ATP2C2: variants seen among roughly 807,000 people sequenced by gnomAD.
The protein encoded by ATP2C2 is calcium-transporting ATPase type 2C member 2.
A neutral mutation model predicts 110.8 loss-of-function variants in ATP2C2; 171 were observed. That is an observed-to-expected ratio of 1.54 (90% confidence interval 1.36 to 1.75). The LOEUF is 1.75. Among genes scored for constraint, ATP2C2 ranks in the 40% most tolerant of loss-of-function variants. The probability of loss-of-function intolerance (pLI) is 0.00; values close to 1 mark genes in which losing one functional copy is unlikely to be tolerated. For missense variants in ATP2C2, 1,963 were observed against 1,235.0 expected, an observed-to-expected ratio of 1.59 and a Z score of -8.84; for synonymous variants, 804 against 508.4, an observed-to-expected ratio of 1.58 and a Z score of -7.82.
intron 23 of ATP2C2, chr16:84,460,453 G>T: frequency 1.4e-6 from 1 of 703,754 alleles, no homozygotes; most frequent in East Asian, 2.6e-5. Context: ...CAGATGGAGG[G>T]GCACAGCTGC....
At chr16:84,430,920 CA>C (rs748991118) in intron 11 of ATP2C2, among the ~76,000 whole-genome samples, 14 of 152,184 alleles carry the variant, frequency 9.2e-5, no homozygotes, top group Non-Finnish European at 1.6e-4. Flanking sequence ...CCCACCTCAG[CA>C]GGATGGGGAC....
At chr16:84,411,934 CTTTCT>C (rs911428941) in intron 6 of ATP2C2, among the ~76,000 whole-genome samples, 12 of 151,704 alleles carry the variant, frequency 7.9e-5, no homozygotes, top group South Asian at 4.2e-4. Context: ...TCTTTCTTTC[CTTTCT>C]TTTCTTTTCT....
At chr16:84,460,453 G>A (rs759633984) in intron 23 of ATP2C2, 1 of 703,756 alleles carries the variant, frequency 1.4e-6, no homozygotes, top group Non-Finnish European at 2.5e-6. Context: ...CAGATGGAGG[G>A]GCACAGCTGC....
At chr16:84,452,237 G>A (rs543011087) in intron 18 of ATP2C2, 146 bp downstream of exon 18, 101 of 1,032,998 alleles carry the variant, frequency 9.8e-5, no homozygotes, top group Non-Finnish European at 1.2e-4. Context: ...CTGAGTATTC[G>A]TGTGCCAGCA....
chr16:84,398,527 T>A lies in ATP2C2; in HGVS notation c.128T>A (p.Ile43Asn). ...LIDEQSELKA[I>N]EKEKKVTALP... Reference sequence around the variant, plus strand: ...GATGAACAGAGTGAGCTGAAAGCCATCGAGAAAGAGAAGAAGGTGACAGCC... The same window carrying A: ...GATGAACAGAGTGAGCTGAAAGCCAACGAGAAAGAGAAGAAGGTGACAGCC... Residue 43 changes from isoleucine to asparagine, a missense_variant, in exon 2 of 27, where the codon ATC becomes AAC. By Grantham distance (149) the Ile-to-Asn change is moderately radical. Transcript: ENST00000262429. The A allele has an allele frequency of 6.2e-7, 1 of 1,613,146 alleles. No homozygotes were observed. Among genetic ancestry groups the A allele is most frequent in the Non-Finnish European group, 8.5e-7 (1 of 1,179,728 alleles).
chr16:84,451,849 C>A, intron 17 of ATP2C2, 72 bp from the exon 18 acceptor site: 1 of 1,438,840 alleles, frequency 7.0e-7, no homozygotes, highest in Middle Eastern at 2.4e-4. Context: ...AAAACAACAA[C>A]AACAACCAAC....
At chr16:84,387,501 G>A (rs1004950447) in intron 1 of ATP2C2, among the ~76,000 whole-genome samples, 2 of 152,104 alleles carry the variant, frequency 1.3e-5, no homozygotes, top group African/African-American at 2.4e-5. Flanking sequence ...GACAGAGTGA[G>A]ACTCTGTCTC....
chr16:84,401,645 T>C (rs960189174), intron 2 of ATP2C2, among the ~76,000 whole-genome samples: 3 of 152,164 alleles, frequency 2.0e-5, no homozygotes, highest in Non-Finnish European at 4.4e-5. Flanking sequence ...ACTGTAGATG[T>C]ATGGATTTAT....
chr16:84,381,053 A>C (rs1198340941), intron 1 of ATP2C2, among the ~76,000 whole-genome samples: 1 of 152,210 alleles, frequency 6.6e-6, no homozygotes, highest in Non-Finnish European at 1.5e-5. Context: ...TGTGTGAGCA[A>C]CATGGCTGTT....
At chr16:84,447,019 C>T (rs751504543) in intron 16 of ATP2C2, among the ~76,000 whole-genome samples, 1 of 152,294 alleles carries the variant, frequency 6.6e-6, no homozygotes, top group South Asian at 2.1e-4. Flanking sequence ...AAGCTATGGC[C>T]ACCCCGGGTG....
intron 1 of ATP2C2, among the ~76,000 whole-genome samples, chr16:84,378,441 T>A (rs76889666): frequency 6.6e-6 from 1 of 152,216 alleles, no homozygotes; most frequent in Non-Finnish European, 1.5e-5. Context: ...CCCTTCTGAC[T>A]GCTAGATTCC....
intron 1 of ATP2C2, among the ~76,000 whole-genome samples, chr16:84,373,794 T>C (rs542250757): frequency 1.3e-5 from 2 of 152,346 alleles, no homozygotes; most frequent in African/African-American, 2.4e-5. Flanking sequence ...TCACTACTTA[T>C]CTAGTTTTGT....
chr16:84,460,689 G>A lies in ATP2C2; in HGVS notation c.2369G>A (p.Arg790Lys), dbSNP rs753271541. The A allele has an allele frequency of 1.2e-6, 2 of 1,614,216 alleles. No homozygotes were observed. The highest frequency in any genetic ancestry group is 1.1e-5 in the South Asian group (1 of 91,086). Residue 790 changes from arginine (R) to lysine (K), a missense_variant, in exon 24 of 27, where the codon AGG (arginine) becomes AAG (lysine). Coordinates refer to ENST00000262429, the MANE Select transcript of ATP2C2 (RefSeq NM_014861.4). Reference sequence around the variant, plus strand: ...GAGCCCGTTGACAAAGACGCCTTCAGGCAGCCACCACGGAGTGTGCGGGAC... The same window carrying A: ...GAGCCCGTTGACAAAGACGCCTTCAAGCAGCCACCACGGAGTGTGCGGGAC... ...GVEPVDKDAFRQPPRSVRDTI... is the reference protein window; with the variant it reads ...GVEPVDKDAFKQPPRSVRDTI...
chr16:84,459,763 T>C, intron 23 of ATP2C2: 1 of 600,328 alleles, frequency 1.7e-6, no homozygotes, highest in East Asian at 2.9e-5. Context: ...GAGAGGAAGA[T>C]ACACACAGAC....
intron 15 of ATP2C2, among the ~76,000 whole-genome samples, chr16:84,445,091 G>C (rs1370256071): frequency 2.0e-5 from 3 of 152,180 alleles, no homozygotes; most frequent in African/African-American, 7.2e-5. Flanking sequence ...GTTTCTGGGT[G>C]TTACTGGCAG....
At position 84,422,659 on chromosome 16, in the gene ATP2C2, C is replaced by G. The variant is rs1907455875; in HGVS notation, c.805C>G (p.Gln269Glu). The G allele has an allele frequency of 3.7e-6, 6 of 1,613,504 alleles. No homozygotes were observed. Among genetic ancestry groups the G allele is most frequent in the Non-Finnish European group, 5.1e-6 (6 of 1,179,814 alleles). Residue 269 changes from glutamine (Q) to glutamate (E), a missense_variant, in exon 9 of 27, where the codon CAG (glutamine) becomes GAG (glutamate). Gln to Glu is a conservative substitution (Grantham distance 29). Coordinates refer to ENST00000262429, the MANE Select transcript of ATP2C2 (RefSeq NM_014861.4). ...CGTGATTGGAACAGGGGAAAGCTCT[C>G]AGTTCGGAGAAGTGTTTAAGATGAT... ...GVVIGTGESS[Q>E]FGEVFKMMQA... is the part of the protein sequence containing the mutation.
chr16:84,394,061 C>G (rs1427091069), intron 1 of ATP2C2, among the ~76,000 whole-genome samples: 3 of 151,498 alleles, frequency 2.0e-5, no homozygotes, highest in Non-Finnish European at 4.4e-5. Flanking sequence ...CACCTGTAGT[C>G]CTAGCTTCTC....
At chr16:84,416,760 C>T (rs1055592258) in intron 7 of ATP2C2, among the ~76,000 whole-genome samples, 4 of 152,130 alleles carry the variant, frequency 2.6e-5, no homozygotes, top group Non-Finnish European at 5.9e-5. Flanking sequence ...CTGTGGCCCC[C>T]GCCTCTCCCC....
At chr16:84,401,873 A>C (rs561502554) in intron 2 of ATP2C2, among the ~76,000 whole-genome samples, 1 of 152,062 alleles carries the variant, frequency 6.6e-6, no homozygotes. Context: ...TAAGAATGTC[A>C]TTGTTATTTT....
Sources: gnomAD v4.1 joint callset for allele counts (sites outside exome capture counted in the v4.1 genomes callset) on GRCh38, gnomAD v4.1.1 for gene constraint, MANE v1.5 for transcripts, NCBI Gene and HGNC (gene_info 2026-07-23, HGNC 2026-07-21) for gene names.